Variants in SOS2 observed in about 807,000 individuals in gnomAD.
SOS2 encodes SOS Ras/Rho guanine nucleotide exchange factor 2.
In SOS2, 65 loss-of-function variants were observed where a neutral mutation model predicts 148.2. The ratio of observed to expected loss-of-function variants is 0.44; its 90% CI spans 0.36 to 0.54. The LOEUF (loss-of-function observed/expected upper bound fraction) is 0.54. Among genes scored for constraint, SOS2 ranks in the 20% least tolerant of loss-of-function variants. The pLI, the probability that SOS2 is intolerant of heterozygous loss-of-function variation, is 0.00. For missense variants in SOS2, 1,341 were observed against 1,590.2 expected, an observed-to-expected ratio of 0.84 and a Z score of 2.67; for synonymous variants, 539 against 537.1, an observed-to-expected ratio of 1.00 and a Z score of -0.05.
At chr14:50,180,439 A>G (rs1885694500) in intron 7 of SOS2, 133 bp downstream of exon 7, 1 of 567,086 alleles carries the variant, frequency 1.8e-6, no homozygotes. Context: ...ATAATCCAAA[A>G]CAGGTTTAGA....
In SOS2 at chr14:50,135,089, A is replaced by AAAAGAAAGAAAG. The variant is rs536084984; in HGVS notation, c.2959-862_2959-851dup. 2.8e-4 allele frequency among the ~76,000 whole-genome samples: 37 copies of AAAAGAAAGAAAG among 131,572 alleles called. No individual in the cohort carries two copies. In the East Asian group the frequency reaches 4.8e-3, roughly 17 times the overall value. 86.3% of individuals were successfully genotyped at this position (131,572 alleles called of 152,430 possible). A position where few individuals can be genotyped will look rare whatever the true frequency, so the allele number is the denominator to read the frequency against. On this transcript the variant is annotated intron_variant, in intron 18 of 22. Coordinates refer to ENST00000216373, the MANE Select transcript of SOS2 (RefSeq NM_006939.4). ...ACTGTCTCAAAAAAAAAAAAAAAAAAAAAGAAAGAAAGAAAGAAAGAAAGA... is the reference window on the plus strand; with the variant it reads ...ACTGTCTCAAAAAAAAAAAAAAAAAAAAAGAAAGAAAGAAAGAAAGAAAGAAAGAAAGAAAGA...
intron 1 of SOS2, among the ~76,000 whole-genome samples, chr14:50,210,666 G>C (rs1230857975): frequency 1.3e-5 from 2 of 150,992 alleles, no homozygotes; most frequent in Admixed American, 1.3e-4. Flanking sequence ...AGAATATATA[G>C]AGAACTCCTA....
intron 1 of SOS2, among the ~76,000 whole-genome samples, chr14:50,217,098 AAAGAT>A (rs1172202234): frequency 1.3e-5 from 2 of 152,218 alleles, no homozygotes; most frequent in Admixed American, 6.5e-5. Context: ...GCACTGACAT[AAAGAT>A]AAGGAAAACA....
chr14:50,178,967 T>C (rs1456792340), intron 7 of SOS2, among the ~76,000 whole-genome samples: 1 of 151,916 alleles, frequency 6.6e-6, no homozygotes, highest in Non-Finnish European at 1.5e-5. Context: ...ACTCCTGACC[T>C]CAGGTGATCC....
In SOS2 at chr14:50,141,567, G is replaced by A. The variant is rs188668355; in HGVS notation, c.2668-1508C>T. On this transcript the variant is annotated intron_variant, in intron 16 of 22. Transcript: ENST00000216373. ...TAATTCTAATATACATCTAGCAAAA[G>A]AGGTATGCGATCTCTGTCAAAACAA... Among the ~76,000 whole-genome samples, 348 of 152,118 alleles carry A rather than the reference G, an allele frequency of 2.3e-3. 4 individuals are homozygous for A. Among genetic ancestry groups the A allele is most frequent in the Admixed American group, 0.017 (265 of 15,258 alleles).
At chr14:50,209,169 T>C (rs553838206) in intron 1 of SOS2, among the ~76,000 whole-genome samples, 6 of 152,270 alleles carry the variant, frequency 3.9e-5, no homozygotes, top group African/African-American at 1.4e-4. Flanking sequence ...GCCTTCAGAC[T>C]AGGACTAGAA....
At chr14:50,207,612 T>C (rs993983897) in intron 1 of SOS2, among the ~76,000 whole-genome samples, 16 of 148,876 alleles carry the variant, frequency 1.1e-4, no homozygotes, top group African/African-American at 3.2e-4. Flanking sequence ...TGTATACAAA[T>C]AAGATTATAC....
chr14:50,172,332 CATTA>C (rs1217288920), intron 8 of SOS2, among the ~76,000 whole-genome samples: 3 of 151,324 alleles, frequency 2.0e-5, no homozygotes, highest in Non-Finnish European at 2.9e-5. Context: ...TGTTGCTGTG[CATTA>C]ATTAAAACTG....
At chr14:50,200,473 C>A (rs1452645438) in intron 3 of SOS2, among the ~76,000 whole-genome samples, 1 of 152,048 alleles carries the variant, frequency 6.6e-6, no homozygotes, top group Non-Finnish European at 1.5e-5. Context: ...TATACACTTT[C>A]TTAATCAACA....
intron 4 of SOS2, among the ~76,000 whole-genome samples, chr14:50,195,484 T>C (rs1189493881): frequency 2.0e-5 from 3 of 152,130 alleles, no homozygotes; most frequent in African/African-American, 7.2e-5. Flanking sequence ...GTTTATGGCC[T>C]GGTGCAGTGG....
intron 8 of SOS2, among the ~76,000 whole-genome samples, chr14:50,173,381 A>T (rs1195937185): frequency 6.6e-6 from 1 of 151,964 alleles, no homozygotes; most frequent in Non-Finnish European, 1.5e-5. Flanking sequence ...TTTTTTATGG[A>T]GTGCTACTAC....
At chr14:50,190,605 C>A (rs1229953580) in intron 4 of SOS2, among the ~76,000 whole-genome samples, 2 of 152,202 alleles carry the variant, frequency 1.3e-5, no homozygotes, top group East Asian at 3.8e-4. Flanking sequence ...GTCTTCCCAA[C>A]CCCAGTTCTA....
chr14:50,167,513 C>A (rs183861080), intron 8 of SOS2, among the ~76,000 whole-genome samples: 7 of 151,796 alleles, frequency 4.6e-5, no homozygotes, highest in African/African-American at 1.7e-4. Flanking sequence ...CCAGCCTGGG[C>A]GACAAGAGTG....
At chr14:50,126,294 A>G (rs1334916216) in intron 21 of SOS2, among the ~76,000 whole-genome samples, 1 of 152,170 alleles carries the variant, frequency 6.6e-6, no homozygotes, top group Non-Finnish European at 1.5e-5. Context: ...GAACATTTAA[A>G]ATCTTCTCTT....
chr14:50,207,221 G>A (rs1886689746), intron 1 of SOS2, among the ~76,000 whole-genome samples: 1 of 152,058 alleles, frequency 6.6e-6, no homozygotes, highest in Admixed American at 6.6e-5. Flanking sequence ...GAAAATTATA[G>A]GCCATTTTTA....
At chr14:50,217,311 T>C (rs909075693) in intron 1 of SOS2, among the ~76,000 whole-genome samples, 5 of 152,232 alleles carry the variant, frequency 3.3e-5, no homozygotes, top group Non-Finnish European at 7.3e-5. Context: ...ATAAAATGAT[T>C]CAATCAGCAC....
chr14:50,170,716 G>A (rs573926950), intron 8 of SOS2, among the ~76,000 whole-genome samples: 2 of 150,312 alleles, frequency 1.3e-5, no homozygotes, highest in South Asian at 2.1e-4. Flanking sequence ...TAGTTAACAA[G>A]TATATAAAAG....
intron 1 of SOS2, among the ~76,000 whole-genome samples, chr14:50,205,985 A>G (rs200911110): frequency 7.0e-6 from 1 of 142,350 alleles, no homozygotes; most frequent in Non-Finnish European, 1.5e-5. Flanking sequence ...TATAGTAAAA[A>G]TCCCTTCTTT....
At chr14:50,194,832 C>G (rs1389734888) in intron 4 of SOS2, among the ~76,000 whole-genome samples, 1 of 150,728 alleles carries the variant, frequency 6.6e-6, no homozygotes, top group Non-Finnish European at 1.5e-5. Context: ...GCTCTGTCAC[C>G]CAGGCCGGAG....
Sources: allele counts gnomAD v4.1 joint callset (sites outside exome capture counted in the v4.1 genomes callset), GRCh38; gene constraint gnomAD v4.1.1; transcripts MANE v1.5; gene names NCBI Gene and HGNC (gene_info 2026-07-23, HGNC 2026-07-21).